ABTB2: variants seen among roughly 807,000 people sequenced by gnomAD.
ABTB2 encodes the protein ankyrin repeat and BTB/POZ domain-containing protein 2.
ABTB2 carries 56 observed loss-of-function variants against 104.1 expected under a neutral mutation model. That is an observed-to-expected ratio of 0.54 (90% confidence interval 0.43 to 0.67). The LOEUF is 0.67. ABTB2 is among the 30% of genes least tolerant of loss of function. ABTB2 has a pLI of 0.00. For synonymous variants in ABTB2, 606 were observed against 608.2 expected (o/e 1.00, Z 0.05); for missense variants, 1,279 against 1,407.7 (o/e 0.91, Z 1.46).
intron 1 of ABTB2, among the ~76,000 whole-genome samples, chr11:34,273,123 T>C (rs1205203016): frequency 6.6e-6 from 1 of 152,226 alleles, no homozygotes; most frequent in Non-Finnish European, 1.5e-5. Flanking sequence ...AATTTTTTGT[T>C]ATAATTATGT....
chr11:34,217,997 T>C (rs532830910), intron 1 of ABTB2, among the ~76,000 whole-genome samples: 1 of 152,356 alleles, frequency 6.6e-6, no homozygotes, highest in South Asian at 2.1e-4. Flanking sequence ...CAGTGGTATG[T>C]CCTAGTATGG....
chr11:34,320,081 T>TGTAAAAATGAGGTGTAAAAAA (rs1156593595), intron 1 of ABTB2, among the ~76,000 whole-genome samples: 14 of 152,338 alleles, frequency 9.2e-5, no homozygotes, highest in African/African-American at 3.4e-4. Context: ...TAAAATGAGC[T>TGTAAAAATGAGGTGTAAAAAA]AGTGAGTATA....
intron 1 of ABTB2, among the ~76,000 whole-genome samples, chr11:34,347,171 C>T (rs923379392): frequency 2.6e-5 from 4 of 152,218 alleles, no homozygotes; most frequent in African/African-American, 9.6e-5. Flanking sequence ...CATGGTGGCT[C>T]ATGCCTGTAA....
chr11:34,198,965 T>C (rs1202783211), intron 2 of ABTB2, among the ~76,000 whole-genome samples: 6 of 152,190 alleles, frequency 3.9e-5, no homozygotes, highest in Non-Finnish European at 7.3e-5. Context: ...GCCGGTGAAG[T>C]GCCATGAAAT....
At chr11:34,310,852 C>T (rs1465689880) in intron 1 of ABTB2, among the ~76,000 whole-genome samples, 2 of 151,432 alleles carry the variant, frequency 1.3e-5, no homozygotes, top group Admixed American at 6.6e-5. Flanking sequence ...CCTTGCACAG[C>T]TCCCCACACG....
intron 1 of ABTB2, among the ~76,000 whole-genome samples, chr11:34,345,192 C>T (rs1855315318): frequency 6.6e-6 from 1 of 152,188 alleles, no homozygotes; most frequent in South Asian, 2.1e-4. Context: ...AACCACCCCA[C>T]CATTTCCTCT....
rs1852601286 is a variant in ABTB2, at chr11:34,154,947, G to A, written c.2698-178C>T. On this transcript the variant is annotated intron_variant, in intron 14 of 16. Coordinates refer to ENST00000435224, the MANE Select transcript of ABTB2 (RefSeq NM_145804.3). This position sits in a 1 kb window ranked among gnomAD's most constrained non-coding sequence, Gnocchi z 4.9. Reference sequence around the variant, plus strand: ...CTGAGACTTGTGTTTTCCCGGGGAAGCCAACTCCAAGACCCTCTCTCCTGA... The same window carrying A: ...CTGAGACTTGTGTTTTCCCGGGGAAACCAACTCCAAGACCCTCTCTCCTGA... 6.6e-6 allele frequency among the ~76,000 whole-genome samples: 1 copy of A among 152,192 alleles called. No individual in the cohort carries two copies. The highest frequency in any genetic ancestry group is 2.4e-5 in the African/African-American group (1 of 41,448).
chr11:34,355,157 T>C (rs746130233), intron 1 of ABTB2, among the ~76,000 whole-genome samples: 1 of 152,248 alleles, frequency 6.6e-6, no homozygotes, highest in Non-Finnish European at 1.5e-5. Context: ...AAGTAAGCCA[T>C]GCTTGGTACA....
Position 34,197,490 on chromosome 11 carries a change from AG to A in ABTB2, c.1078del (p.Leu360CysfsTer50). 1.3e-6 allele frequency: 2 copies of A among 1,575,304 alleles called. No individual in the cohort carries two copies. The highest frequency in any genetic ancestry group is 1.7e-6 in the Non-Finnish European group (2 of 1,162,714). ...AMHHMQGRHP[L>X]CPGASPARQA... ...GCGGGCAGGGCTGGCACCCGGGCACAGGGGGTGACGCCCCTGCATGTGGTGC... is the reference window on the plus strand; with the variant it reads ...GCGGGCAGGGCTGGCACCCGGGCACAGGGGTGACGCCCCTGCATGTGGTGC... On this transcript the variant is annotated frameshift_variant, in exon 3 of 17. Transcript: ENST00000435224. LOFTEE classifies it high-confidence loss of function.
At chr11:34,336,597 C>T (rs565523157) in intron 1 of ABTB2, among the ~76,000 whole-genome samples, 37 of 152,010 alleles carry the variant, frequency 2.4e-4, no homozygotes, top group African/African-American at 8.4e-4. Flanking sequence ...GAGCCATGAT[C>T]GTACCACTAC....
rs191955251 is a variant in ABTB2 at position 34,350,618 on chromosome 11, C to A, written c.883+6083G>T. 1.2e-4 allele frequency among the ~76,000 whole-genome samples: 19 copies of A among 152,260 alleles called. No homozygotes were observed. The East Asian group carries it at 3.7e-3, about 29-fold the overall frequency. On this transcript the variant is annotated intron_variant, in intron 1 of 16. Coordinates refer to ENST00000435224, the MANE Select transcript of ABTB2 (RefSeq NM_145804.3). ...CAGCAACCTTTGGAGGAAGATACAC[C>A]CCTGGGTGTCAGTGCCTGCTCTTTC... is the stretch of plus-strand genomic sequence containing the variant.
intron 1 of ABTB2, among the ~76,000 whole-genome samples, chr11:34,333,063 C>A (rs1304440844): frequency 6.6e-6 from 1 of 152,212 alleles, no homozygotes; most frequent in Non-Finnish European, 1.5e-5. Context: ...AATGATTTTA[C>A]ATGTGTTGTC....
At chr11:34,188,711 A>G (rs1250416329) in intron 3 of ABTB2, among the ~76,000 whole-genome samples, 1 of 152,258 alleles carries the variant, frequency 6.6e-6, no homozygotes, top group East Asian at 1.9e-4. Flanking sequence ...TCAGTAGCAT[A>G]AAGCCACCAC....
At chr11:34,163,863 G>A (rs1051965359) in intron 9 of ABTB2, among the ~76,000 whole-genome samples, 16 of 152,244 alleles carry the variant, frequency 1.1e-4, no homozygotes, top group East Asian at 3.9e-4. Flanking sequence ...CAGTCTCCAC[G>A]CAGGGTGAAG....
chr11:34,318,831 A>G (rs1215624929), intron 1 of ABTB2, among the ~76,000 whole-genome samples: 2 of 152,218 alleles, frequency 1.3e-5, no homozygotes, highest in African/African-American at 4.8e-5. Context: ...GGGCAGCTTA[A>G]CCACTAGTCT....
intron 1 of ABTB2, among the ~76,000 whole-genome samples, chr11:34,225,524 G>C (rs544218757): frequency 1.3e-3 from 198 of 152,208 alleles, no homozygotes; most frequent in African/African-American, 4.6e-3. Flanking sequence ...GGGAGGCCGA[G>C]GTGGGCAGAT....
chr11:34,250,839 G>T (rs771429723), intron 1 of ABTB2, among the ~76,000 whole-genome samples: 3 of 152,138 alleles, frequency 2.0e-5, no homozygotes, highest in Non-Finnish European at 4.4e-5. Context: ...ATTACCTTCT[G>T]CCTATTTAAT....
chr11:34,272,529 A>C (rs535904023), intron 1 of ABTB2, among the ~76,000 whole-genome samples: 3 of 151,944 alleles, frequency 2.0e-5, no homozygotes, highest in Admixed American at 2.0e-4. Context: ...AACACAGTGA[A>C]ACCCCGTCTC....
In ABTB2 at chr11:34,170,099, A is replaced by C. The variant is rs1314522202; in HGVS notation, c.1563+807T>G. On this transcript the variant is annotated intron_variant, in intron 5 of 16. Transcript: ENST00000435224. The stretch of plus-strand genomic sequence containing the variant: ...GTACAGTGTCAAATAAACACACAGG[A>C]TATTCCATAGTGGTTGAGAGGCTGG... Among the ~76,000 whole-genome samples, 5 of 152,252 alleles carry C rather than the reference A, an allele frequency of 3.3e-5. No individual in the cohort carries two copies. The East Asian group carries it at 9.7e-4, about 29-fold the overall frequency.
Sources: allele counts gnomAD v4.1 joint callset (sites outside exome capture counted in the v4.1 genomes callset), GRCh38; gene constraint gnomAD v4.1.1; non-coding constraint Gnocchi (gnomAD v3.1); transcripts MANE v1.5; gene names NCBI Gene and HGNC (gene_info 2026-07-23, HGNC 2026-07-21).